The following BRD10 variants were observed in gnomAD, a reference collection of about 807,000 sequenced individuals.
The protein encoded by BRD10 is uncharacterized bromodomain-containing protein 10.
the BRD10 span, among the ~76,000 whole-genome samples, chr9:5,991,462 C>G: frequency 6.6e-6 from 1 of 152,116 alleles, no homozygotes; most frequent in Non-Finnish European, 1.5e-5. Flanking sequence ...GTCACTCACG[C>G]CTGTAATCCC....
chr9:5,916,747 T>C, the BRD10 span, among the ~76,000 whole-genome samples: 1 of 152,124 alleles, frequency 6.6e-6, no homozygotes, highest in Non-Finnish European at 1.5e-5. Flanking sequence ...GATATCCAAA[T>C]GGCTTAATTC....
At chr9:5,996,888 CACTA>C in the BRD10 span, among the ~76,000 whole-genome samples, 1 of 152,166 alleles carries the variant, frequency 6.6e-6, no homozygotes, top group East Asian at 1.9e-4. Context: ...CTCTCTAGGT[CACTA>C]ACTCTCATAC....
At chr9:5,934,621 C>T in the BRD10 span, among the ~76,000 whole-genome samples, 1 of 152,064 alleles carries the variant, frequency 6.6e-6, no homozygotes, top group Non-Finnish European at 1.5e-5. Flanking sequence ...CTGCCTTGGC[C>T]TCCTGAAGTA....
chr9:5,924,635 TAA>T, the BRD10 span: 4 of 1,407,264 alleles, frequency 2.8e-6, no homozygotes, highest in Non-Finnish European at 3.8e-6. Context: ...AGTGTTGACT[TAA>T]AAAAAAAGTT....
the BRD10 span, chr9:5,919,348 C>T: frequency 5.5e-6 from 1 of 180,572 alleles, no homozygotes. Context: ...AGAAACATGT[C>T]AATGTAAATG....
the BRD10 span, among the ~76,000 whole-genome samples, chr9:5,940,702 G>A: frequency 6.6e-6 from 1 of 152,102 alleles, no homozygotes; most frequent in Non-Finnish European, 1.5e-5. Context: ...GGGGTAGGGA[G>A]GACAAATGGG....
At chr9:5,920,036 T>C in the BRD10 span, 1 of 1,613,838 alleles carries the variant, frequency 6.2e-7, no homozygotes, top group African/African-American at 1.3e-5. Context: ...AGCAGTTGTG[T>C]TTATGAGTTG....
chr9:5,966,394 T>A, the BRD10 span, among the ~76,000 whole-genome samples: 3 of 151,272 alleles, frequency 2.0e-5, no homozygotes. Context: ...TACTATATAA[T>A]TGAGTTGGGA....
At chr9:5,908,730 C>G in the BRD10 span, 2 of 1,598,700 alleles carry the variant, frequency 1.3e-6, no homozygotes, top group Admixed American at 3.3e-5. Flanking sequence ...ACACCTGAGA[C>G]ATGCTGAAAT....
the BRD10 span, among the ~76,000 whole-genome samples, chr9:5,931,200 G>C: frequency 6.6e-6 from 1 of 152,158 alleles, no homozygotes; most frequent in Admixed American, 6.5e-5. Flanking sequence ...GCCTGGATTA[G>C]CAAGTGGTAG....
chr9:5,950,563 G>C, the BRD10 span, among the ~76,000 whole-genome samples: 2 of 152,136 alleles, frequency 1.3e-5, no homozygotes, highest in African/African-American at 4.8e-5. Flanking sequence ...CTGAATCAAG[G>C]TCTTTTGGAG....
the BRD10 span, among the ~76,000 whole-genome samples, chr9:5,899,576 G>A: frequency 6.6e-6 from 1 of 152,162 alleles, no homozygotes; most frequent in African/African-American, 2.4e-5. Flanking sequence ...AAAGCCTTGG[G>A]TTAGAAAGTT....
chr9:5,964,906 T>G, the BRD10 span, among the ~76,000 whole-genome samples: 2 of 49,760 alleles, frequency 4.0e-5, no homozygotes, highest in Non-Finnish European at 7.1e-5. Context: ...GGGACTGTGG[T>G]GGGGTGGGGG....
chr9:5,950,640 GA>G, the BRD10 span, among the ~76,000 whole-genome samples: 1 of 152,096 alleles, frequency 6.6e-6, no homozygotes, highest in African/African-American at 2.4e-5. Context: ...TAAAGTTTGA[GA>G]ACCACTGACA....
the BRD10 span, among the ~76,000 whole-genome samples, chr9:5,892,859 A>G: frequency 0.23 from 34,921 of 152,028 alleles, 4,294 homozygotes; most frequent in African/African-American, 0.32. Flanking sequence ...CAGGATCACA[A>G]TGCCTCTCTC....
At chr9:5,990,560 A>C in the BRD10 span, among the ~76,000 whole-genome samples, 1 of 152,348 alleles carries the variant, frequency 6.6e-6, no homozygotes, top group East Asian at 1.9e-4. Context: ...TAAACTTTCT[A>C]AATCAGTATT....
the BRD10 span, among the ~76,000 whole-genome samples, chr9:5,995,495 T>G: frequency 1.3e-5 from 2 of 152,258 alleles, no homozygotes; most frequent in African/African-American, 4.8e-5. Flanking sequence ...CTTTAGCATA[T>G]AAACAAGTCC....
chr9:5,974,658 G>A, the BRD10 span, among the ~76,000 whole-genome samples: 4 of 152,320 alleles, frequency 2.6e-5, no homozygotes, highest in South Asian at 8.3e-4. Context: ...CATAGTACCT[G>A]CACAGTACCA....
the BRD10 span, among the ~76,000 whole-genome samples, chr9:5,883,464 T>TC: frequency 9.2e-3 from 1,102 of 120,162 alleles, 9 homozygotes; most frequent in African/African-American, 0.038. Flanking sequence ...TTCTTCTTCT[T>TC]TTTTTTTTTT....
Sources: gnomAD v4.1 joint callset for allele counts (sites outside exome capture counted in the v4.1 genomes callset) on GRCh38, gnomAD v4.1.1 for gene constraint, MANE v1.5 for transcripts, NCBI Gene and HGNC (gene_info 2026-07-23, HGNC 2026-07-21) for gene names.